The following TRAPPC9 variants were observed in gnomAD, a reference collection of about 807,000 sequenced individuals.
The protein encoded by TRAPPC9 is IKK2 binding protein.
Under a neutral mutation model 124.0 loss-of-function variants are expected in TRAPPC9, and 83 were observed. The ratio of observed to expected loss-of-function variants is 0.67; its 90% CI spans 0.56 to 0.80. The LOEUF (loss-of-function observed/expected upper bound fraction) is 0.80. Ranked by LOEUF, TRAPPC9 falls within the 30% of genes least tolerant of loss-of-function variation. TRAPPC9 has a pLI of 0.00. For missense variants in TRAPPC9, 1,302 were observed against 1,508.3 expected (o/e 0.86, Z 2.27); for synonymous variants, 638 against 617.5 (o/e 1.03, Z -0.49).
intron 2 of TRAPPC9, 29 bp from the exon 3 acceptor site, chr8:140,439,226 T>C: frequency 6.2e-7 from 1 of 1,612,666 alleles, no homozygotes; most frequent in Non-Finnish European, 8.5e-7. Flanking sequence ...TGTATCTTTA[T>C]TACTATACAA....
intron 17 of TRAPPC9, among the ~76,000 whole-genome samples, chr8:140,067,248 A>C (rs1261444302): frequency 6.6e-6 from 1 of 152,034 alleles, no homozygotes; most frequent in Non-Finnish European, 1.5e-5. Flanking sequence ...GGTTCAAGTG[A>C]TTCTCCCGCC....
intron 15 of TRAPPC9, among the ~76,000 whole-genome samples, chr8:140,266,273 T>C (rs911583804): frequency 2.6e-5 from 4 of 151,860 alleles, no homozygotes; most frequent in Admixed American, 6.6e-5. Context: ...CTGGCCAACA[T>C]GGTGAAACTC....
At chr8:140,322,583 T>G (rs1401588947) in intron 9 of TRAPPC9, among the ~76,000 whole-genome samples, 1 of 152,016 alleles carries the variant, frequency 6.6e-6, no homozygotes, top group Non-Finnish European at 1.5e-5. Context: ...TTCCCAGCAC[T>G]TCTGGAGGCT....
intron 9 of TRAPPC9, among the ~76,000 whole-genome samples, chr8:140,335,795 C>T (rs1354637823): frequency 2.0e-5 from 3 of 151,590 alleles, no homozygotes; most frequent in Non-Finnish European, 4.4e-5. Context: ...AAACCTCCAC[C>T]TCCTGGGTTC....
chr8:139,765,423 T>C (rs1820518599), intron 21 of TRAPPC9, among the ~76,000 whole-genome samples: 1 of 152,214 alleles, frequency 6.6e-6, no homozygotes. Flanking sequence ...AAAGCTTTCA[T>C]CCAATCATCA....
At chr8:140,256,961 T>C (rs2064281199) in intron 15 of TRAPPC9, among the ~76,000 whole-genome samples, 1 of 152,212 alleles carries the variant, frequency 6.6e-6, no homozygotes, top group Admixed American at 6.5e-5. Flanking sequence ...TGGGGGCTCG[T>C]AGCCTTCCAT....
rs1216426287 is a variant in TRAPPC9, at chr8:140,457,736, C to T, written c.-108G>A. On this transcript the variant is annotated 5_prime_UTR_variant, in exon 1 of 23. Coordinates refer to ENST00000438773, the MANE Select transcript of TRAPPC9 (RefSeq NM_001160372.4). ...CCACTTCCCAGGCTCTGGGCTGGCG[C>T]TTCCTACTGGCGGCCGAGCCGGCGC... The T allele has an allele frequency of 6.0e-6, 6 of 995,816 alleles. No homozygotes were observed. Among genetic ancestry groups the T allele is most frequent in the Non-Finnish European group, 7.2e-6 (6 of 836,312 alleles). The allele number at this position is 995,816 out of a possible 1,614,324, so 61.7% of individuals were successfully genotyped here. A position where few individuals can be genotyped will look rare whatever the true frequency, so the allele number is the denominator to read the frequency against.
chr8:139,751,242 G>C (rs1819288411), intron 21 of TRAPPC9, among the ~76,000 whole-genome samples: 1 of 152,218 alleles, frequency 6.6e-6, no homozygotes, highest in Non-Finnish European at 1.5e-5. Context: ...TTTCTTGGCT[G>C]TGCAATGATC....
At chr8:139,847,631 C>T (rs550497550) in intron 21 of TRAPPC9, among the ~76,000 whole-genome samples, 6 of 151,222 alleles carry the variant, frequency 4.0e-5, no homozygotes, top group East Asian at 3.9e-4. Flanking sequence ...CGGATGGGCA[C>T]GAGCACCTGC....
At chr8:139,741,830 C>T (rs187432121) in intron 21 of TRAPPC9, among the ~76,000 whole-genome samples, 4 of 152,268 alleles carry the variant, frequency 2.6e-5, no homozygotes, top group East Asian at 1.9e-4. Context: ...AAGGCTCACC[C>T]GTGCTGCAGC....
intron 15 of TRAPPC9, among the ~76,000 whole-genome samples, chr8:140,253,647 C>T (rs373359021): frequency 6.6e-6 from 1 of 151,826 alleles, no homozygotes; most frequent in East Asian, 1.9e-4. Context: ...CACTGCACTC[C>T]AGCCTGGGCA....
chr8:139,938,203 C>A (rs113932472), intron 19 of TRAPPC9, among the ~76,000 whole-genome samples: 2 of 152,190 alleles, frequency 1.3e-5, no homozygotes, highest in African/African-American at 4.8e-5. Context: ...GACAAAGCTG[C>A]CCCACCTGTG....
At chr8:140,245,574 C>T (rs1319034520) in intron 16 of TRAPPC9, among the ~76,000 whole-genome samples, 2 of 152,162 alleles carry the variant, frequency 1.3e-5, no homozygotes, top group Non-Finnish European at 2.9e-5. Context: ...CACATTCACA[C>T]TGTTGTACAA....
chr8:140,390,691 G>C lies in TRAPPC9; in HGVS notation c.1134+6929C>G, dbSNP rs1272673806. Reference sequence around the variant, plus strand: ...TCTGCAGCTTTGACTGCTCACTCAAGAGAGATTTCCTTATATGCCTCTTAC... The same window carrying C: ...TCTGCAGCTTTGACTGCTCACTCAACAGAGATTTCCTTATATGCCTCTTAC... On this transcript the variant is annotated intron_variant, in intron 7 of 22. Coordinates refer to ENST00000438773, the MANE Select transcript of TRAPPC9 (RefSeq NM_001160372.4). Among the ~76,000 whole-genome samples, 8 of 152,298 alleles carry C rather than the reference G, an allele frequency of 5.3e-5. No homozygotes were observed. The South Asian group carries it at 1.7e-3, about 32-fold the overall frequency.
chr8:140,354,643 T>G (rs1403650414), intron 9 of TRAPPC9, among the ~76,000 whole-genome samples: 3 of 152,224 alleles, frequency 2.0e-5, no homozygotes, highest in Non-Finnish European at 2.9e-5. Context: ...GTCACGTTTT[T>G]CCATTCCTGG....
At chr8:139,769,624 A>G (rs1459699288) in intron 21 of TRAPPC9, among the ~76,000 whole-genome samples, 1 of 152,384 alleles carries the variant, frequency 6.6e-6, no homozygotes, top group South Asian at 2.1e-4. Context: ...ATACTTTTAG[A>G]AAGAAGCAAA....
chr8:140,386,394 C>T (rs1011866714), intron 7 of TRAPPC9, among the ~76,000 whole-genome samples: 14 of 152,322 alleles, frequency 9.2e-5, no homozygotes, highest in Admixed American at 7.8e-4. Context: ...TTGCAGATGA[C>T]ATGATTGTGT....
intron 17 of TRAPPC9, among the ~76,000 whole-genome samples, chr8:140,073,708 T>A (rs773409250): frequency 2.0e-5 from 3 of 152,188 alleles, no homozygotes; most frequent in Non-Finnish European, 2.9e-5. Flanking sequence ...AAGCTCATTA[T>A]CATCATCATT....
intron 17 of TRAPPC9, among the ~76,000 whole-genome samples, chr8:140,130,978 C>G (rs1050677564): frequency 6.6e-6 from 1 of 152,134 alleles, no homozygotes; most frequent in African/African-American, 2.4e-5. Flanking sequence ...TAATTCCATA[C>G]GCAGACTTCC....
Sources: allele counts gnomAD v4.1 joint callset (sites outside exome capture counted in the v4.1 genomes callset), GRCh38; gene constraint gnomAD v4.1.1; transcripts MANE v1.5; gene names NCBI Gene and HGNC (gene_info 2026-07-23, HGNC 2026-07-21).